GABRR1: variants seen among roughly 807,000 people sequenced by gnomAD.
The protein encoded by GABRR1 is gamma-aminobutyric acid receptor subunit rho-1.
A neutral mutation model predicts 55.5 loss-of-function variants in GABRR1; 59 were observed. The ratio of observed to expected loss-of-function variants is 1.06; its 90% CI spans 0.86 to 1.32. The LOEUF is 1.32. GABRR1 is among the 40% of genes most tolerant of loss of function. The pLI is 0.00. For synonymous variants in GABRR1, 213 were observed against 226.0 expected, an observed-to-expected ratio of 0.94 and a Z score of 0.51; for missense variants, 602 against 619.1, an observed-to-expected ratio of 0.97 and a Z score of 0.29.
intron 1 of GABRR1, among the ~76,000 whole-genome samples, chr6:89,212,424 G>C: frequency 2.9e-5 from 1 of 34,646 alleles, no homozygotes; most frequent in South Asian, 1.1e-3. Context: ...AGCAAGCATC[G>C]TCTCTCTGAA....
rs189743334 is a variant in GABRR1 at position 89,196,003 on chromosome 6, C to T, written c.572+2017G>A. ...TATTATCATTACATTGTGAGTAGTA[C>T]AAAATATTGAGGACATATTTCAGTA... On this transcript the variant is annotated intron_variant, in intron 5 of 9. Coordinates refer to ENST00000454853, the MANE Select transcript of GABRR1 (RefSeq NM_002042.5). 4.0e-3 allele frequency among the ~76,000 whole-genome samples: 603 copies of T among 152,270 alleles called. 3 individuals are homozygous for T. Among genetic ancestry groups the T allele is most frequent in the Non-Finnish European group, 4.4e-3 (297 of 68,032 alleles).
Position 89,203,492 on chromosome 6 carries a change from T to C in GABRR1, c.123-7A>G, listed in dbSNP as rs1772545941. ...TCGTCTTTGTCTTTGGGGCCTACCA[T>C]GAACATTAAAAATAAAGACATTGTA... On this transcript the variant is annotated splice_region_variant and splice_polypyrimidine_tract_variant and intron_variant, in intron 1 of 9. Coordinates refer to ENST00000454853, the MANE Select transcript of GABRR1 (RefSeq NM_002042.5). 3 of 1,605,922 alleles carry C rather than the reference T, an allele frequency of 1.9e-6. No homozygotes were observed. The highest frequency in any genetic ancestry group is 2.7e-5 in the African/African-American group (2 of 74,728).
At chr6:89,181,499 A>G (rs1771717539) in intron 8 of GABRR1, among the ~76,000 whole-genome samples, 1 of 152,208 alleles carries the variant, frequency 6.6e-6, no homozygotes, top group Non-Finnish European at 1.5e-5. Context: ...CATTCTATAG[A>G]TGCAGATGAG....
chr6:89,200,595 C>T (rs905257316), intron 3 of GABRR1, among the ~76,000 whole-genome samples: 1 of 150,964 alleles, frequency 6.6e-6, no homozygotes. Flanking sequence ...TTTTTTTTTC[C>T]AGGAAAATAA....
chr6:89,185,060 T>C (rs553268926), intron 7 of GABRR1, among the ~76,000 whole-genome samples: 1 of 152,090 alleles, frequency 6.6e-6, no homozygotes, highest in East Asian at 1.9e-4. Flanking sequence ...AATTTTTGTA[T>C]TTTTAGTAGA....
Position 89,182,162 on chromosome 6 carries a change from T to C in GABRR1, c.797-105A>G, listed in dbSNP as rs78177025. 6.6e-4 allele frequency: 700 copies of C among 1,057,156 alleles called. 6 individuals are homozygous for C. The African/African-American group carries it at 9.6e-3, about 14-fold the overall frequency. 65.5% of individuals were successfully genotyped at this position (1,057,156 alleles called of 1,614,324 possible). A position where few individuals can be genotyped will look rare whatever the true frequency, so the allele number is the denominator to read the frequency against. ...CCTTAGACACTCCAATGGACTCTTA[T>C]CATGTCTTTATAAGGTGAAATTGAG... On this transcript the variant is annotated intron_variant, in intron 7 of 9. Coordinates refer to ENST00000454853, the MANE Select transcript of GABRR1 (RefSeq NM_002042.5).
chr6:89,221,160 T>G (rs1189652981), upstream of GABRR1: 1 of 152,320 alleles, frequency 6.6e-6, no homozygotes, highest in Non-Finnish European at 1.5e-5. Flanking sequence ...AATAATTTCT[T>G]CAGCAGAAGA....
chr6:89,198,066 C>G lies in GABRR1; in HGVS notation c.526G>C (p.Val176Leu). 1 of 1,614,112 alleles carries G rather than the reference C, an allele frequency of 6.2e-7. No individual in the cohort carries two copies. The highest frequency in any genetic ancestry group is 8.5e-7 in the Non-Finnish European group (1 of 1,180,016). The change falls in exon 5 of 10, where the codon GTC becomes CTC. Residue 176 changes from valine (V) to leucine (L), a missense_variant. Physicochemically the swap from Val to Leu is conservative, Grantham distance 32. Coordinates refer to ENST00000454853, the MANE Select transcript of GABRR1 (RefSeq NM_002042.5). ...SFIHDTTTDN[V>L]MLRVQPDGKV... Reference sequence around the variant, plus strand: ...CCATCAGGCTGGACCCGCAACATGACGTTGTCTGTGGTGGTGTCGTGGATG... The same window carrying G: ...CCATCAGGCTGGACCCGCAACATGAGGTTGTCTGTGGTGGTGTCGTGGATG...
At chr6:89,223,310 C>T (rs1449993302) in intron 1 of GABRR1, among the ~76,000 whole-genome samples, 1 of 152,174 alleles carries the variant, frequency 6.6e-6, no homozygotes, top group Non-Finnish European at 1.5e-5. Context: ...TTTGGTTTTC[C>T]ATTCCTGAGT....
At chr6:89,189,189 G>C (rs1772007470) in intron 6 of GABRR1, among the ~76,000 whole-genome samples, 1 of 152,036 alleles carries the variant, frequency 6.6e-6, no homozygotes, top group South Asian at 2.1e-4. Context: ...GCATTAAAAA[G>C]ATCAGTTATG....
chr6:89,198,983 G>A (rs1004254605), intron 4 of GABRR1, among the ~76,000 whole-genome samples: 1 of 152,202 alleles, frequency 6.6e-6, no homozygotes, highest in Non-Finnish European at 1.5e-5. Flanking sequence ...GGGCGGGCGG[G>A]GGGAAAGGAC....
chr6:89,179,399 T>C (rs1771647695), intron 9 of GABRR1, among the ~76,000 whole-genome samples: 1 of 152,178 alleles, frequency 6.6e-6, no homozygotes, highest in Non-Finnish European at 1.5e-5. Context: ...GTTTTATTTT[T>C]AGTAGAGACG....
At chr6:89,198,395 G>A in intron 4 of GABRR1, 152 bp from the exon 5 acceptor site, 1 of 300,694 alleles carries the variant, frequency 3.3e-6, no homozygotes, top group Non-Finnish European at 6.6e-6. Flanking sequence ...GCTGCAGTAG[G>A]AGGAAGAGAA....
upstream of GABRR1, among the ~76,000 whole-genome samples, chr6:89,220,254 G>C (rs1159313179): frequency 6.6e-6 from 1 of 152,198 alleles, no homozygotes; most frequent in African/African-American, 2.4e-5. Flanking sequence ...AAACCGGAAG[G>C]CCTCAAACAC....
intron 1 of GABRR1, among the ~76,000 whole-genome samples, chr6:89,223,767 GTT>G (rs35485745): frequency 1.5e-5 from 2 of 135,344 alleles, no homozygotes; most frequent in Non-Finnish European, 3.2e-5. Flanking sequence ...TGCATTGTGG[GTT>G]TTTTTTTTTT....
chr6:89,220,557 C>G (rs147852019), upstream of GABRR1, among the ~76,000 whole-genome samples: 15 of 152,302 alleles, frequency 9.8e-5, no homozygotes, highest in East Asian at 2.7e-3. Context: ...TTCCCACTAA[C>G]ACCACGTGGC....
At position 89,198,122 on chromosome 6, in the gene GABRR1, T is replaced by C. The variant is rs1772359697; in HGVS notation, c.470A>G (p.Asp157Gly). The C allele has an allele frequency of 2.5e-6, 4 of 1,613,976 alleles. No homozygotes were observed. In the African/African-American group the frequency reaches 5.3e-5, roughly 22 times the overall value. Residue 157 changes from aspartate to glycine, a missense_variant, in exon 5 of 10, where the codon GAC becomes GGC. Around this residue, in one of 3 missense-constraint regions of GABRR1, gnomAD observed 435 missense variants for 424.2 expected, o/e 1.03. Transcript: ENST00000454853. ...GRLVKKIWVP[D>G]MFFVHSKRSF... is the part of the protein sequence containing the mutation. ...GCGTTTGGAGTGCACGAAAAACATG[T>C]CAGGGACCCAGATCTTCTTGACCAG...
At chr6:89,207,942 A>G (rs955148837) in intron 1 of GABRR1, among the ~76,000 whole-genome samples, 11 of 152,186 alleles carry the variant, frequency 7.2e-5, no homozygotes, top group African/African-American at 2.4e-4. Flanking sequence ...CTGGTGGGAG[A>G]TGGCAAGTTG....
upstream of GABRR1, among the ~76,000 whole-genome samples, chr6:89,219,583 A>G (rs1773082036): frequency 6.6e-6 from 1 of 152,228 alleles, no homozygotes; most frequent in Admixed American, 6.5e-5. Context: ...ATAGAATTCT[A>G]AGCCTTGTCC....
Sources: gnomAD v4.1 joint callset for allele counts (sites outside exome capture counted in the v4.1 genomes callset) on GRCh38, gnomAD v4.1.1 for gene constraint, gnomAD v4.1.1 regional missense constraint, MANE v1.5 for transcripts, NCBI Gene and HGNC (gene_info 2026-07-23, HGNC 2026-07-21) for gene names.